SLC4A10: variants seen among roughly 807,000 people sequenced by gnomAD.
SLC4A10 encodes sodium-driven chloride bicarbonate exchanger.
In SLC4A10, 42 loss-of-function variants were observed where a neutral mutation model predicts 137.7. That is an observed-to-expected ratio of 0.30 (90% confidence interval 0.24 to 0.39). The LOEUF is 0.39. Ranked by LOEUF, SLC4A10 falls within the 10% of genes least tolerant of loss-of-function variation. SLC4A10 has a pLI of 1.00. For synonymous variants in SLC4A10, 474 were observed against 464.1 expected, an observed-to-expected ratio of 1.02 and a Z score of -0.27; for missense variants, 925 against 1,355.0, an observed-to-expected ratio of 0.68 and a Z score of 4.98.
chr2:161,948,267 A>C (rs1694181061), intron 17 of SLC4A10, among the ~76,000 whole-genome samples: 1 of 152,130 alleles, frequency 6.6e-6, no homozygotes, highest in Non-Finnish European at 1.5e-5. Context: ...CGCCAAAAAA[A>C]ATTTAAAAAA....
At chr2:161,938,531 A>T (rs1405952171) in intron 15 of SLC4A10, among the ~76,000 whole-genome samples, 49 of 151,140 alleles carry the variant, frequency 3.2e-4, no homozygotes, top group Admixed American at 3.0e-3. Flanking sequence ...TATTATCGAT[A>T]ATAATCTATT....
chr2:161,750,827 A>G (rs987970385), intron 1 of SLC4A10, among the ~76,000 whole-genome samples: 11 of 151,732 alleles, frequency 7.2e-5, no homozygotes, highest in African/African-American at 2.7e-4. Flanking sequence ...GTTCCATACT[A>G]TTATTTTATT....
At chr2:161,900,487 C>G (rs971401612) in intron 11 of SLC4A10, among the ~76,000 whole-genome samples, 3 of 152,022 alleles carry the variant, frequency 2.0e-5, no homozygotes, top group Admixed American at 2.0e-4. Flanking sequence ...TCTCTTTGCC[C>G]CTTCCCTTAC....
chr2:161,731,484 G>T (rs1476562387), intron 1 of SLC4A10, among the ~76,000 whole-genome samples: 2 of 152,126 alleles, frequency 1.3e-5, no homozygotes, highest in Non-Finnish European at 2.9e-5. Context: ...TAGGGAGGAA[G>T]AATTGTAGGG....
At chr2:161,658,744 C>A (rs1253822579) in intron 1 of SLC4A10, among the ~76,000 whole-genome samples, 1 of 151,944 alleles carries the variant, frequency 6.6e-6, no homozygotes, top group Non-Finnish European at 1.5e-5. Flanking sequence ...GTGCATGCCA[C>A]CATGCCCAGC....
chr2:161,957,498 A>T (rs1338911768), intron 20 of SLC4A10, among the ~76,000 whole-genome samples: 1 of 152,178 alleles, frequency 6.6e-6, no homozygotes, highest in Non-Finnish European at 1.5e-5. Context: ...ACAATTTTGA[A>T]TCGGTGATCA....
intron 8 of SLC4A10, among the ~76,000 whole-genome samples, chr2:161,878,788 G>T (rs897126103): frequency 2.0e-5 from 3 of 152,068 alleles, no homozygotes; most frequent in Admixed American, 6.6e-5. Context: ...TATTAAATCT[G>T]TTGGCAAATG....
At chr2:161,827,931 T>C (rs1231475068) in intron 3 of SLC4A10, among the ~76,000 whole-genome samples, 1 of 152,216 alleles carries the variant, frequency 6.6e-6, no homozygotes, top group Non-Finnish European at 1.5e-5. Flanking sequence ...TTTTGGGGCT[T>C]GGTCCAATCT....
chr2:161,719,012 C>T (rs575363028), intron 1 of SLC4A10, among the ~76,000 whole-genome samples: 1 of 152,238 alleles, frequency 6.6e-6, no homozygotes, highest in Non-Finnish European at 1.5e-5. Context: ...ATTAACTCGT[C>T]ATTTAGCATT....
chr2:161,928,247 T>C (rs1380859295), intron 15 of SLC4A10, among the ~76,000 whole-genome samples: 2 of 150,196 alleles, frequency 1.3e-5, no homozygotes, highest in African/African-American at 4.9e-5. Flanking sequence ...TTGGAAATCA[T>C]CATTCTCAGT....
intron 19 of SLC4A10, 39 bp downstream of exon 19, chr2:161,950,887 C>A (rs764752692): frequency 3.4e-5 from 48 of 1,430,460 alleles, no homozygotes; most frequent in Non-Finnish European, 4.3e-5. Flanking sequence ...ATAATTATGA[C>A]AACTGATATC....
intron 11 of SLC4A10, among the ~76,000 whole-genome samples, chr2:161,896,044 T>C (rs1420236112): frequency 1.3e-5 from 2 of 152,018 alleles, no homozygotes; most frequent in Non-Finnish European, 2.9e-5. Context: ...TTTATGGTTT[T>C]AGGTCTAACA....
chr2:161,661,306 C>A lies in SLC4A10; in HGVS notation c.48+36740C>A, dbSNP rs891383202. On this transcript the variant is annotated intron_variant, in intron 1 of 26. Coordinates refer to ENST00000446997, the MANE Select transcript of SLC4A10 (RefSeq NM_001178015.2). ...CCTGGCCAACATGGTGAAACCCCGT[C>A]TCTACTAAAAATACAAAAATGAGCT... Among the ~76,000 whole-genome samples, 11 of 152,086 alleles carry A rather than the reference C, an allele frequency of 7.2e-5. 1 individual carries two copies. Among genetic ancestry groups the A allele is most frequent in the Admixed American group, 7.2e-4 (11 of 15,270 alleles).
At chr2:161,796,347 TC>T (rs2054772267) in intron 2 of SLC4A10, among the ~76,000 whole-genome samples, 1 of 152,148 alleles carries the variant, frequency 6.6e-6, no homozygotes, top group Admixed American at 6.6e-5. Context: ...GCTTCTACAA[TC>T]AGCTGATGAT....
At chr2:161,686,737 T>C (rs1424462969) in intron 1 of SLC4A10, among the ~76,000 whole-genome samples, 1 of 152,178 alleles carries the variant, frequency 6.6e-6, no homozygotes, top group Non-Finnish European at 1.5e-5. Context: ...ACAATTTTTA[T>C]TTTTTTAATT....
intron 2 of SLC4A10, among the ~76,000 whole-genome samples, chr2:161,786,321 A>T (rs1402801561): frequency 6.6e-6 from 1 of 151,720 alleles, no homozygotes; most frequent in Non-Finnish European, 1.5e-5. Flanking sequence ...GTCCTTTCAC[A>T]TTAGATGGAT....
intron 1 of SLC4A10, among the ~76,000 whole-genome samples, chr2:161,624,782 C>T (rs182299226): frequency 6.6e-6 from 1 of 151,810 alleles, no homozygotes; most frequent in East Asian, 2.0e-4. Context: ...GGATGCACTA[C>T]GGTGATGAAA....
At chr2:161,941,831 T>C (rs952959197) in intron 15 of SLC4A10, among the ~76,000 whole-genome samples, 1 of 152,172 alleles carries the variant, frequency 6.6e-6, no homozygotes, top group East Asian at 1.9e-4. Context: ...TGTTCCATCA[T>C]AGACAGGAGC....
chr2:161,878,784 A>G (rs921064805), intron 8 of SLC4A10, among the ~76,000 whole-genome samples: 1 of 152,152 alleles, frequency 6.6e-6, no homozygotes, highest in African/African-American at 2.4e-5. Flanking sequence ...AAAATATTAA[A>G]TCTGTTGGCA....
Sources: allele counts gnomAD v4.1 joint callset (sites outside exome capture counted in the v4.1 genomes callset), GRCh38; gene constraint gnomAD v4.1.1; transcripts MANE v1.5; gene names NCBI Gene and HGNC (gene_info 2026-07-23, HGNC 2026-07-21).